The following LPO variants were observed in gnomAD, a reference collection of about 807,000 sequenced individuals.
LPO encodes the protein salivary peroxidase.
A neutral mutation model predicts 68.4 loss-of-function variants in LPO; 70 were observed. The observed-to-expected ratio is 1.02, with a 90% CI of 0.84 to 1.25. LPO has a LOEUF of 1.25. LPO is among the 50% of genes most tolerant of loss of function. LPO has a pLI of 0.00. For synonymous variants in LPO, 360 were observed against 357.6 expected (o/e 1.01, Z -0.08); for missense variants, 873 against 908.4 (o/e 0.96, Z 0.50).
chr17:58,254,970 A>G lies in LPO; in HGVS notation c.1265A>G (p.Gln422Arg). The change falls in exon 9 of 13, where the codon CAG (glutamine) becomes CGG (arginine). Residue 422 changes from glutamine to arginine, a missense_variant and splice_region_variant. Coordinates refer to ENST00000262290, the MANE Select transcript of LPO (RefSeq NM_006151.3). ...EARKILGAFV[Q>R]IITFRDYLPI... is the part of the protein sequence containing the mutation. ...CGGAAAATCCTGGGAGCCTTCGTGC[A>G]GGTAGGGAGTCCCAGGAGCACTGTC... 2 of 1,613,716 alleles carry G rather than the reference A, an allele frequency of 1.2e-6. No homozygotes were observed. The highest frequency in any genetic ancestry group is 2.2e-5 in the South Asian group (2 of 91,064).
Position 58,252,363 on chromosome 17 carries a change from G to A in LPO, c.962G>A (p.Arg321His), listed in dbSNP as rs372802766. ...SSEPSLASRL[R>H]NLSSPLGLMA... ...GAGCCAAGCCTGGCCAGCCGCCTCC[G>A]CAACCTCAGCAGCCCCCTGGGCCTC... The change falls in exon 8 of 13, where the codon CGC becomes CAC. Residue 321 changes from arginine to histidine, a missense_variant. Arg to His is a conservative substitution (Grantham distance 29). Coordinates refer to ENST00000262290, the MANE Select transcript of LPO (RefSeq NM_006151.3). 4.2e-5 allele frequency: 68 copies of A among 1,614,012 alleles called. No homozygotes were observed. The highest frequency in any genetic ancestry group is 4.9e-5 in the Non-Finnish European group (58 of 1,180,044).
rs1176440905 is a variant in LPO, at chr17:58,266,153, G to C, written c.1520G>C (p.Gly507Ala). 3 of 1,613,668 alleles carry C rather than the reference G, an allele frequency of 1.9e-6. No homozygotes were observed. The African/African-American group carries it at 4.0e-5, about 22-fold the overall frequency. ...ATGGCTTCTGGGTCTCCCTTGGCAG[G>C]TGGAATTGATCCTCTGGTGCGGGGC... ...FFNTWRMVKD[G>A]GIDPLVRGLL... The change falls in exon 11 of 13, where the codon GGT (glycine) becomes GCT (alanine). Residue 507 changes from glycine to alanine, a missense_variant and splice_region_variant. Physicochemically the swap from Gly to Ala is moderately conservative, Grantham distance 60 (BLOSUM62 0). Transcript: ENST00000262290.
chr17:58,251,291 AG>A (rs1886063181), intron 7 of LPO: 1 of 144,372 alleles, frequency 6.9e-6, no homozygotes, highest in Non-Finnish European at 1.5e-5. Flanking sequence ...AAAAGAAAAA[AG>A]AAAAAGAAAA....
rs1258307050 is a variant in LPO, at chr17:58,268,133, AG to A, written c.*140del. ...GGCCTCTCTATACCCCTGGATGAAC[AG>A]CTTGCTCAGGCCCCAGGGTGGCTGC... is the stretch of plus-strand genomic sequence containing the variant. On this transcript the variant is annotated 3_prime_UTR_variant, in exon 13 of 13. Coordinates refer to ENST00000262290, the MANE Select transcript of LPO (RefSeq NM_006151.3). 5.9e-6 allele frequency: 5 copies of A among 849,010 alleles called. No individual in the cohort carries two copies. The East Asian group carries it at 1.3e-4, about 23-fold the overall frequency. 52.6% of individuals were successfully genotyped at this position (849,010 alleles called of 1,614,324 possible). A position where few individuals can be genotyped will look rare whatever the true frequency, so the allele number is the denominator to read the frequency against.
rs1555605277 is a variant in LPO at position 58,254,128 on chromosome 17, GATAGATAT to G, written c.1106-659_1106-652del. ...CTGTCCAGATAGATAGATAGATGATGATAGATATATAGATATATAGATATATAGATAGA... is the reference window on the plus strand; with the variant it reads ...CTGTCCAGATAGATAGATAGATGATGATAGATATATAGATATATAGATAGA... On this transcript the variant is annotated intron_variant, in intron 8 of 12. Coordinates refer to ENST00000262290, the MANE Select transcript of LPO (RefSeq NM_006151.3). Among the ~76,000 whole-genome samples, 365 of 114,040 alleles carry G rather than the reference GATAGATAT, an allele frequency of 3.2e-3. 1 individual carries two copies. The highest frequency in any genetic ancestry group is 9.3e-3 in the African/African-American group (297 of 31,868). 74.8% of individuals were successfully genotyped at this position (114,040 alleles called of 152,430 possible).
At position 58,257,909 on chromosome 17, in the gene LPO, T is replaced by C. The variant is rs191569020; in HGVS notation, c.1266+2938T>C. Among the ~76,000 whole-genome samples, 187 of 152,386 alleles carry C rather than the reference T, an allele frequency of 1.2e-3. 1 individual carries two copies. The highest frequency in any genetic ancestry group is 2.0e-3 in the Non-Finnish European group (137 of 68,044). ...CAATGATGTTGAGCACCTTTTCATA[T>C]GCCTGTTTGCCATTTGTATGTCTTC... On this transcript the variant is annotated intron_variant, in intron 9 of 12. Transcript: ENST00000262290.
chr17:58,241,108 C>G (rs1364589286), intron 1 of LPO, among the ~76,000 whole-genome samples: 1 of 127,886 alleles, frequency 7.8e-6, no homozygotes, highest in Admixed American at 7.7e-5. Flanking sequence ...TGTTGTTGTT[C>G]TTTTCTTTTC....
Position 58,250,963 on chromosome 17 carries a change from T to C in LPO, c.780+342T>C, listed in dbSNP as rs1459854680. ...GTCTACATTCCCGACCCAGCAGCAT[T>C]GGTAAAACCTGCTTATTAGAAATGT... On this transcript the variant is annotated intron_variant, in intron 7 of 12. Transcript: ENST00000262290. 1.4e-5 allele frequency: 4 copies of C among 286,936 alleles called. No homozygotes were observed. The East Asian group carries it at 3.2e-4, about 23-fold the overall frequency. 17.8% of individuals were successfully genotyped at this position (286,936 alleles called of 1,614,324 possible).
chr17:58,267,951 T>C lies in LPO; in HGVS notation c.2096T>C (p.Ile699Thr), dbSNP rs766039820. Residue 699 changes from isoleucine (I) to threonine (T), a missense_variant, in exon 13 of 13, where the codon ATC (isoleucine) becomes ACC (threonine). Transcript: ENST00000262290. ...TATGACTTCGTGGATTGCTCAGCCA[T>C]CGACAAGCTGGACCTGTCACCCTGG... The part of the protein sequence containing the change: ...YPYDFVDCSA[I>T]DKLDLSPWAS... The C allele has an allele frequency of 6.2e-7, 1 of 1,614,034 alleles. No homozygotes were observed. The highest frequency in any genetic ancestry group is 1.7e-5 in the Admixed American group (1 of 60,014).
In LPO at chr17:58,249,171, A is replaced by G. The variant is rs199578265; in HGVS notation, c.437A>G (p.Asn146Ser). ...SPYRTITGDCNNRRKPALGAA... is the reference protein window; with the variant it reads ...SPYRTITGDCSNRRKPALGAA... ...TACCGCACCATTACGGGAGACTGCA[A>G]TAACAGGTGGCGGGGCTTGGGGTGT... The change falls in exon 5 of 13, where the codon AAT becomes AGT. Residue 146 changes from asparagine (N) to serine (S), a missense_variant. Coordinates refer to ENST00000262290, the MANE Select transcript of LPO (RefSeq NM_006151.3). 52 of 1,613,790 alleles carry G rather than the reference A, an allele frequency of 3.2e-5. No homozygotes were observed. In the East Asian group the frequency reaches 9.4e-4, roughly 29 times the overall value.
intron 7 of LPO, chr17:58,250,907 T>C (rs1323338187): frequency 2.3e-6 from 1 of 431,630 alleles, no homozygotes; most frequent in Non-Finnish European, 4.3e-6. Flanking sequence ...AGTAAACTAC[T>C]GATAGCAGAA....
At position 58,256,525 on chromosome 17, in the gene LPO, G is replaced by A. The variant is rs546035585; in HGVS notation, c.1266+1554G>A. The stretch of plus-strand genomic sequence containing the variant: ...GTGAAATAAGCACATCGTGAAGAAT[G>A]AGGTATCCTGCTGGGCACAGTGGCT... On this transcript the variant is annotated intron_variant, in intron 9 of 12. Coordinates refer to ENST00000262290, the MANE Select transcript of LPO (RefSeq NM_006151.3). Among the ~76,000 whole-genome samples the A allele has an allele frequency of 2.6e-5, 4 of 151,868 alleles. No homozygotes were observed. In the East Asian group the frequency reaches 7.7e-4, roughly 29 times the overall value.
chr17:58,264,592 A>G, intron 9 of LPO, 130 bp from the exon 10 acceptor site: 1 of 851,744 alleles, frequency 1.2e-6, no homozygotes. Context: ...AACTGGGCAC[A>G]TATGCTATCC....
At chr17:58,251,506 C>G (rs8178343) in intron 7 of LPO, 6 of 210,324 alleles carry the variant, frequency 2.9e-5, no homozygotes, top group Admixed American at 1.6e-4. Flanking sequence ...GATTTCCATC[C>G]GGAAGGGAGA....
chr17:58,268,163 G>A lies in LPO; in HGVS notation c.*169G>A, dbSNP rs140353748. 3.1e-4 allele frequency: 201 copies of A among 642,398 alleles called. No individual in the cohort carries two copies. The African/African-American group carries it at 3.2e-3, about 10-fold the overall frequency. 39.8% of individuals were successfully genotyped at this position (642,398 alleles called of 1,614,324 possible). ...GCTCAGGCCCCAGGGTGGCTGCCTC[G>A]GCCCTCCCAGCTCTTACACTCAGCT... On this transcript the variant is annotated 3_prime_UTR_variant, in exon 13 of 13. Coordinates refer to ENST00000262290, the MANE Select transcript of LPO (RefSeq NM_006151.3).
At chr17:58,257,858 G>A (rs1184759304) in intron 9 of LPO, among the ~76,000 whole-genome samples, 2 of 152,118 alleles carry the variant, frequency 1.3e-5, no homozygotes, top group Non-Finnish European at 2.9e-5. Context: ...TCTCATTGTA[G>A]TTTTGATCTG....
rs1215344859 is a variant in LPO, at chr17:58,264,830, G to A, written c.1375G>A (p.Val459Ile). Residue 459 changes from valine (V) to isoleucine (I), a missense_variant, in exon 10 of 13, where the codon GTC becomes ATC. Val to Ile is a conservative substitution (Grantham distance 29). Transcript: ENST00000262290. The stretch of plus-strand genomic sequence containing the variant: ...ATCTGTGGATCCCAGAATTTCCAAT[G>A]TCTTCACCTTCGCCTTCCGCTTTGG... Reference protein sequence around the residue: ...SESVDPRISNVFTFAFRFGHL... With the variant: ...SESVDPRISNIFTFAFRFGHL... The A allele has an allele frequency of 6.2e-7, 1 of 1,614,236 alleles. No homozygotes were observed.
intron 9 of LPO, among the ~76,000 whole-genome samples, chr17:58,261,228 T>C (rs1970169649): frequency 6.6e-6 from 1 of 152,240 alleles, no homozygotes; most frequent in Admixed American, 6.5e-5. Flanking sequence ...TTGAAATCCC[T>C]AGCTATAAAT....
chr17:58,257,224 G>A (rs1308112286), intron 9 of LPO, among the ~76,000 whole-genome samples: 3 of 151,862 alleles, frequency 2.0e-5, no homozygotes, highest in African/African-American at 2.4e-5. Context: ...ATGAGCCACC[G>A]CGCCTGGCCA....
Sources: allele counts gnomAD v4.1 joint callset (sites outside exome capture counted in the v4.1 genomes callset), GRCh38; gene constraint gnomAD v4.1.1; transcripts MANE v1.5; gene names NCBI Gene and HGNC (gene_info 2026-07-23, HGNC 2026-07-21).